Variants in CCNH observed in about 807,000 individuals in gnomAD.
CCNH encodes cyclin H, also known as cyclin-H.
In CCNH, 31 loss-of-function variants were observed where a neutral mutation model predicts 41.9. The observed-to-expected ratio is 0.74, with a 90% confidence interval of 0.56 to 1.00. The LOEUF (loss-of-function observed/expected upper bound fraction) is 1.00. Among genes scored for constraint, CCNH ranks in the 50% least tolerant of loss-of-function variants. CCNH has a pLI of 0.00. For missense variants in CCNH, 362 were observed against 388.4 expected, an observed-to-expected ratio of 0.93 and a Z score of 0.57; for synonymous variants, 138 against 136.1, an observed-to-expected ratio of 1.01 and a Z score of -0.10.
chr5:87,349,113 C>A, intron 9 of CCNH: 1 of 1,355,732 alleles, frequency 7.4e-7, no homozygotes, highest in Non-Finnish European at 1.0e-6. Context: ...TGAAAATTTA[C>A]ATATGTTTAT....
chr5:87,338,536 A>ATATATATATATATATTTT lies in CCNH; in HGVS notation c.*91-19640_*91-19639insAAAATATATATATATATA. On this transcript the variant is annotated intron_variant and NMD_transcript_variant, in intron 9 of 9. Coordinates refer to the CCNH transcript ENST00000645953. The stretch of plus-strand genomic sequence containing the variant: ...ATATATATATATATATATATATAAA[A>ATATATATATATATATTTT]TTTTTTTTTTTTTTAAGTAGAAATG... Among the ~76,000 whole-genome samples, 27 of 85,208 alleles carry ATATATATATATATATTTT rather than the reference A, an allele frequency of 3.2e-4. 1 individual carries two copies. The highest frequency in any genetic ancestry group is 1.5e-3 in the East Asian group (3 of 2,026). 55.9% of individuals were successfully genotyped at this position (85,208 alleles called of 152,430 possible).
chr5:87,343,987 T>C (rs946431237), intron 9 of CCNH, among the ~76,000 whole-genome samples: 31 of 152,154 alleles, frequency 2.0e-4, no homozygotes, highest in African/African-American at 7.5e-4. Context: ...ATACCATGTG[T>C]TCTCACTCAT....
upstream of CCNH, chr5:87,378,378 A>C: frequency 6.2e-7 from 1 of 1,611,514 alleles, no homozygotes; most frequent in Non-Finnish European, 8.5e-7. Flanking sequence ...TAATCTTCTA[A>C]TGTAAATATT....
intron 9 of CCNH, among the ~76,000 whole-genome samples, chr5:87,352,669 C>A (rs1000916317): frequency 5.3e-5 from 8 of 150,854 alleles, no homozygotes; most frequent in African/African-American, 1.9e-4. Flanking sequence ...TTTTTTTCTT[C>A]TTTTTGCCTG....
At chr5:87,411,432 T>C in intron 1 of CCNH, 86 bp from the exon 2 acceptor site, 1 of 1,328,040 alleles carries the variant, frequency 7.5e-7, no homozygotes, top group Non-Finnish European at 1.0e-6. Flanking sequence ...AGATTAAATT[T>C]AGTTTATATA....
chr5:87,336,423 G>T (rs1287542556), intron 9 of CCNH, among the ~76,000 whole-genome samples: 1 of 152,024 alleles, frequency 6.6e-6, no homozygotes, highest in African/African-American at 2.4e-5. Context: ...ATACTTTGAT[G>T]ATATAAATTT....
intron 9 of CCNH, chr5:87,383,845 G>T (rs541146400): frequency 3.3e-5 from 42 of 1,256,156 alleles, no homozygotes; most frequent in Middle Eastern, 2.2e-4. Context: ...TACTATTTAA[G>T]AATACTCTTA....
chr5:87,345,708 T>G (rs1333988933), intron 9 of CCNH, among the ~76,000 whole-genome samples: 1 of 152,196 alleles, frequency 6.6e-6, no homozygotes, highest in Non-Finnish European at 1.5e-5. Flanking sequence ...ATGGATCATT[T>G]AAAACAATGT....
chr5:87,352,224 C>T (rs1448720838), intron 9 of CCNH, among the ~76,000 whole-genome samples: 1 of 151,346 alleles, frequency 6.6e-6, no homozygotes, highest in Non-Finnish European at 1.5e-5. Flanking sequence ...TTTTCAGGTC[C>T]TTTTGTTTTG....
upstream of CCNH, chr5:87,378,349 T>C (rs1310054890): frequency 3.1e-6 from 5 of 1,599,700 alleles, no homozygotes; most frequent in Non-Finnish European, 4.3e-6. Flanking sequence ...TTGGTCACAT[T>C]AGGTCAGTCC....
downstream of CCNH, chr5:87,390,874 T>C (rs1166197926): frequency 1.9e-6 from 3 of 1,611,038 alleles, no homozygotes; most frequent in African/African-American, 4.0e-5. Flanking sequence ...AAACCAATGA[T>C]GTCAGGTAGC....
rs542071140 is a variant in CCNH, at chr5:87,338,147, A to G, written c.*91-19250T>C. Reference sequence around the variant, plus strand: ...GATTCTAAATATTTTATAAATTTGGATCTTGTCCGTAATCAGAGAAAGTAG... The same window carrying G: ...GATTCTAAATATTTTATAAATTTGGGTCTTGTCCGTAATCAGAGAAAGTAG... On this transcript the variant is annotated intron_variant and NMD_transcript_variant, in intron 9 of 9. Coordinates refer to the CCNH transcript ENST00000645953. 2.6e-5 allele frequency: 42 copies of G among 1,605,758 alleles called. No individual in the cohort carries two copies. The East Asian group carries it at 8.8e-4, about 34-fold the overall frequency.
intron 9 of CCNH, among the ~76,000 whole-genome samples, chr5:87,332,882 C>G (rs1487325649): frequency 6.6e-6 from 1 of 151,944 alleles, no homozygotes; most frequent in African/African-American, 2.4e-5. Flanking sequence ...TGGTGATAGC[C>G]TAACAAATAT....
At chr5:87,389,805 C>CTAGT (rs1288795474), downstream of CCNH, among the ~76,000 whole-genome samples, 3 of 152,082 alleles carry the variant, frequency 2.0e-5, no homozygotes, top group African/African-American at 7.2e-5. Context: ...GTGAAAATGG[C>CTAGT]TAGTTAGTAA....
chr5:87,323,788 T>C (rs1757006351), intron 9 of CCNH, among the ~76,000 whole-genome samples: 1 of 152,148 alleles, frequency 6.6e-6, no homozygotes, highest in African/African-American at 2.4e-5. Flanking sequence ...AGTCCCTCAC[T>C]TTTTCCAAGT....
chr5:87,337,927 G>A (rs1354895474), intron 9 of CCNH: 2 of 1,520,578 alleles, frequency 1.3e-6, no homozygotes, highest in Non-Finnish European at 1.8e-6. Flanking sequence ...TCTAATCTCT[G>A]TATTTAAAAT....
intron 9 of CCNH, among the ~76,000 whole-genome samples, chr5:87,341,756 G>A (rs181617144): frequency 6.6e-6 from 1 of 151,862 alleles, no homozygotes; most frequent in Admixed American, 6.6e-5. Flanking sequence ...CTGATTTTAT[G>A]TATATGTAAG....
intron 9 of CCNH, among the ~76,000 whole-genome samples, chr5:87,334,204 C>T (rs1405013106): frequency 6.6e-6 from 1 of 152,122 alleles, no homozygotes; most frequent in Non-Finnish European, 1.5e-5. Flanking sequence ...TGGTATAATT[C>T]AGTCTACATC....
In CCNH at chr5:87,412,829, A is replaced by C. The variant is rs1764377620; in HGVS notation, c.-35T>G. The C allele has an allele frequency of 1.2e-6, 2 of 1,601,204 alleles. No homozygotes were observed. The highest frequency in any genetic ancestry group is 2.2e-5 in the East Asian group (1 of 44,474). ...GTGACCAGGTCCAGAGGGTCTGCAG[A>C]CGAGAACCCAAACGCATCAGCGTCC... On this transcript the variant is annotated 5_prime_UTR_variant, in exon 1 of 9. Transcript: ENST00000256897.
Sources: gnomAD v4.1 joint callset for allele counts (sites outside exome capture counted in the v4.1 genomes callset) on GRCh38, gnomAD v4.1.1 for gene constraint, MANE v1.5 for transcripts, NCBI Gene and HGNC (gene_info 2026-07-23, HGNC 2026-07-21) for gene names.